Variants in KIR2DL3 observed in about 807,000 individuals in gnomAD.
The protein encoded by KIR2DL3 is killer cell immunoglobulin-like receptor 2DL3.
A neutral mutation model predicts 33.8 loss-of-function variants in KIR2DL3; 39 were observed. The ratio of observed to expected loss-of-function variants is 1.15; its 90% CI spans 0.89 to 1.51. The LOEUF (loss-of-function observed/expected upper bound fraction) is 1.51, where lower values mean the gene tolerates loss of function less well. Among genes scored for constraint, KIR2DL3 ranks in the 40% most tolerant of loss-of-function variants. KIR2DL3 has a pLI of 0.00. For missense variants in KIR2DL3, 462 were observed against 426.2 expected (o/e 1.08, Z -0.74); for synonymous variants, 174 against 160.2 (o/e 1.09, Z -0.65).
At chr19:54,741,132 G>C (rs1477867548) in intron 2 of KIR2DL3, among the ~76,000 whole-genome samples, 46 of 151,306 alleles carry the variant, frequency 3.0e-4, no homozygotes, top group African/African-American at 1.1e-3. Context: ...TTCTACAGCA[G>C]CAACAGGAAA....
intron 4 of KIR2DL3, among the ~76,000 whole-genome samples, chr19:54,744,936 ATATATATATATATATATATTTTT>A (rs1159530666): frequency 8.4e-5 from 2 of 23,798 alleles, no homozygotes; most frequent in Admixed American, 6.3e-4. Flanking sequence ...ATATATATAT[ATATATATATATATATATATTTTT>A]TTTTTTTTTT....
chr19:54,751,560 G>C, intron 5 of KIR2DL3, 89 bp from the exon 6 acceptor site: 1 of 1,113,950 alleles, frequency 9.0e-7, no homozygotes, highest in Non-Finnish European at 1.3e-6. Context: ...GGTGTTGTAT[G>C]TGGTTACCTG....
intron 1 of KIR2DL3, 91 bp from the exon 2 acceptor site, chr19:54,739,415 GC>G: frequency 1.2e-6 from 2 of 1,601,614 alleles, no homozygotes; most frequent in South Asian, 1.1e-5. Context: ...CCCAGGAAGG[GC>G]CTGGCTGCCA....
chr19:54,747,571 A>T (rs2072748447), intron 5 of KIR2DL3, among the ~76,000 whole-genome samples, 186 bp downstream of exon 5: 2 of 152,158 alleles, frequency 1.3e-5, no homozygotes, highest in African/African-American at 4.8e-5. Context: ...AAATCTCTTA[A>T]TCTCTCATTT....
chr19:54,748,907 G>A (rs1317647646), intron 5 of KIR2DL3, among the ~76,000 whole-genome samples: 32 of 148,148 alleles, frequency 2.2e-4, no homozygotes, highest in Non-Finnish European at 2.1e-4. Context: ...GACTACAGGC[G>A]TGAGCCACTG....
intron 2 of KIR2DL3, among the ~76,000 whole-genome samples, chr19:54,741,165 G>C (rs766319655): frequency 6.6e-6 from 1 of 151,014 alleles, no homozygotes; most frequent in Non-Finnish European, 1.5e-5. Flanking sequence ...CCCAGGTCAA[G>C]GACAAGTTAA....
At chr19:54,747,784 G>T (rs1212550653) in intron 5 of KIR2DL3, among the ~76,000 whole-genome samples, 1 of 152,122 alleles carries the variant, frequency 6.6e-6, no homozygotes, top group African/African-American at 2.4e-5. Context: ...ATTACTGTTG[G>T]TCATGAAGCA....
chr19:54,741,449 G>C (rs200749758), intron 2 of KIR2DL3, among the ~76,000 whole-genome samples: 6 of 151,882 alleles, frequency 4.0e-5, no homozygotes, highest in Admixed American at 1.3e-4. Flanking sequence ...ACATAGGGAG[G>C]GGTTGATACT....
chr19:54,743,153 T>C (rs1184432554), intron 3 of KIR2DL3, among the ~76,000 whole-genome samples: 1 of 151,228 alleles, frequency 6.6e-6, no homozygotes, highest in African/African-American at 2.4e-5. Flanking sequence ...AGATGATAGA[T>C]GGATAGATAT....
In KIR2DL3 at chr19:54,744,072, G is replaced by T; in HGVS notation, c.648G>T (p.Leu216=). ...PYEWSNSSDP[L]LVSVTGNPSN... ...AGTGGTCAAACTCGAGTGACCCACT[G>T]CTTGTTTCTGTCACAGGTGAGGAAA... Residue 216 remains leucine, a synonymous_variant, in exon 4 of 8, where the codon CTG becomes CTT. Coordinates refer to ENST00000342376, the MANE Select transcript of KIR2DL3 (RefSeq NM_015868.3). 1.2e-6 allele frequency: 2 copies of T among 1,614,232 alleles called. No homozygotes were observed. Among genetic ancestry groups the T allele is most frequent in the South Asian group, 1.1e-5 (1 of 91,090 alleles).
In KIR2DL3 at chr19:54,750,631, G is replaced by C. The variant is rs377341321; in HGVS notation, c.716-1018G>C. On this transcript the variant is annotated intron_variant, in intron 5 of 7. Transcript: ENST00000342376. ...TCAATCCCAGTGCAGTCTTCCCAGA[G>C]AAGACTCTAAATACCTCCTGGACTG... Among the ~76,000 whole-genome samples the C allele has an allele frequency of 2.9e-5, 4 of 137,466 alleles. No individual in the cohort carries two copies. The East Asian group carries it at 7.9e-4, about 27-fold the overall frequency. 90.2% of individuals were successfully genotyped at this position (137,466 alleles called of 152,430 possible).
intron 5 of KIR2DL3, among the ~76,000 whole-genome samples, chr19:54,749,059 GCA>G (rs1383354722): frequency 3.8e-5 from 5 of 130,634 alleles, no homozygotes; most frequent in Admixed American, 1.6e-4. Context: ...GAAGGATTTT[GCA>G]CACACAGCTG....
chr19:54,745,423 A>C lies in KIR2DL3; in HGVS notation c.664+1335A>C, dbSNP rs611614. 6.9e-3 allele frequency among the ~76,000 whole-genome samples: 1,048 copies of C among 150,824 alleles called. 11 individuals are homozygous for C. The highest frequency in any genetic ancestry group is 0.024 in the African/African-American group (991 of 41,022). ...TGTGCCCAGGCTGGAGTACAAGTGAAGTCATCTTGGCTCATTGCAACCTCC... is the reference window on the plus strand; with the variant it reads ...TGTGCCCAGGCTGGAGTACAAGTGACGTCATCTTGGCTCATTGCAACCTCC... On this transcript the variant is annotated intron_variant, in intron 4 of 7. Coordinates refer to ENST00000342376, the MANE Select transcript of KIR2DL3 (RefSeq NM_015868.3).
At chr19:54,741,794 C>G (rs2071170799) in intron 2 of KIR2DL3, among the ~76,000 whole-genome samples, 186 bp from the exon 3 acceptor site, 1 of 151,502 alleles carries the variant, frequency 6.6e-6, no homozygotes, top group South Asian at 2.1e-4. Context: ...GACAGAGGGA[C>G]AGAGAAGAGG....
At chr19:54,749,362 C>CGA in intron 5 of KIR2DL3, among the ~76,000 whole-genome samples, 4 of 139,370 alleles carry the variant, frequency 2.9e-5, no homozygotes, top group African/African-American at 1.1e-4. Flanking sequence ...AGGCAATTGC[C>CGA]ACCCCACTGG....
At chr19:54,741,026 C>T (rs1380710337) in intron 2 of KIR2DL3, among the ~76,000 whole-genome samples, 1 of 151,532 alleles carries the variant, frequency 6.6e-6, no homozygotes, top group Admixed American at 6.6e-5. Context: ...CCTGCAGATG[C>T]CTTGATTTTA....
intron 2 of KIR2DL3, among the ~76,000 whole-genome samples, chr19:54,741,075 T>C (rs2070995398): frequency 6.6e-6 from 1 of 151,826 alleles, no homozygotes; most frequent in South Asian, 2.1e-4. Context: ...TCTCCAGTAC[T>C]GGAAGGTGTC....
Position 54,742,195 on chromosome 19 carries a change from G to A in KIR2DL3, c.286G>A (p.Gly96Arg), listed in dbSNP as rs760008367. ...CGGTCCCATGATGCAAGACCTTGCA[G>A]GGACCTACAGATGCTACGGTTCTGT... ...SIGPMMQDLA[G>R]TYRCYGSVTH... is the part of the protein sequence containing the mutation. Residue 96 changes from glycine to arginine, a missense_variant, in exon 3 of 8, where the codon GGG becomes AGG. By Grantham distance (125) the Gly-to-Arg change is moderately radical. Coordinates refer to ENST00000342376, the MANE Select transcript of KIR2DL3 (RefSeq NM_015868.3). The A allele has an allele frequency of 6.2e-7, 1 of 1,614,186 alleles. No individual in the cohort carries two copies. Among genetic ancestry groups the A allele is most frequent in the South Asian group, 1.1e-5 (1 of 91,086 alleles).
chr19:54,749,174 A>G (rs62124367), intron 5 of KIR2DL3, among the ~76,000 whole-genome samples: 27,551 of 135,364 alleles, frequency 0.2, 1,700 homozygotes, highest in Non-Finnish European at 0.25. Flanking sequence ...ACGACTGTAG[A>G]GAGACGGAGA....
Sources: gnomAD v4.1 joint callset for allele counts (sites outside exome capture counted in the v4.1 genomes callset) on GRCh38, gnomAD v4.1.1 for gene constraint, MANE v1.5 for transcripts, NCBI Gene and HGNC (gene_info 2026-07-23, HGNC 2026-07-21) for gene names.